SLC7A2: variants seen among roughly 807,000 people sequenced by gnomAD.
SLC7A2 encodes cationic amino acid transporter 2.
Under a neutral mutation model 58.9 loss-of-function variants are expected in SLC7A2, and 48 were observed. That is an observed-to-expected ratio of 0.82 (90% CI 0.65 to 1.04). The LOEUF is 1.04. Ranked by LOEUF, SLC7A2 falls within the 50% of genes least tolerant of loss-of-function variation. The pLI, the probability that SLC7A2 is intolerant of heterozygous loss-of-function variation, is 0.00. For missense variants in SLC7A2, 1,029 were observed against 818.8 expected (o/e 1.26, Z -3.13); for synonymous variants, 363 against 314.5 (o/e 1.15, Z -1.63).
chr8:17,544,677 G>A (rs1802082236), intron 4 of SLC7A2, 71 bp downstream of exon 4: 41 of 1,382,964 alleles, frequency 3.0e-5, no homozygotes, highest in Non-Finnish European at 4.1e-5. Context: ...GGTTACTTCT[G>A]AATTTGGGGC....
chr8:17,538,906 G>A (rs13259978), intron 2 of SLC7A2: 55,558 of 1,612,538 alleles, frequency 0.034, 1,120 homozygotes, highest in Non-Finnish European at 0.041. Flanking sequence ...ACCGGTTTGC[G>A]ACAGCAAGTT....
At chr8:17,511,980 G>A (rs558040970) in intron 2 of SLC7A2, among the ~76,000 whole-genome samples, 14 of 152,220 alleles carry the variant, frequency 9.2e-5, no homozygotes, top group African/African-American at 2.2e-4. Context: ...AATCTTTGGC[G>A]TACTTGGCTG....
intron 2 of SLC7A2, among the ~76,000 whole-genome samples, chr8:17,521,852 G>T (rs921939761): frequency 2.0e-5 from 3 of 152,238 alleles, no homozygotes; most frequent in Admixed American, 2.0e-4. Context: ...TCATGCCCTT[G>T]TTTCCCTGTT....
chr8:17,511,740 A>T (rs182626070), intron 2 of SLC7A2, among the ~76,000 whole-genome samples: 2 of 152,338 alleles, frequency 1.3e-5, no homozygotes, highest in African/African-American at 4.8e-5. Context: ...AGAAGCTAAT[A>T]AACTGGGGGC....
At position 17,550,302 on chromosome 8, in the gene SLC7A2, G is replaced by A. The variant is rs937487361; in HGVS notation, c.700G>A (p.Glu234Lys). 3.1e-6 allele frequency: 5 copies of A among 1,613,444 alleles called. No individual in the cohort carries two copies. The African/African-American group carries it at 4.0e-5, about 13-fold the overall frequency. Residue 234 changes from glutamate to lysine, a missense_variant and splice_region_variant, in exon 6 of 13, where the codon GAG (glutamate) becomes AAG (lysine). By Grantham distance (56) the Glu-to-Lys change is moderately conservative. Coordinates refer to ENST00000494857, the MANE Select transcript of SLC7A2 (RefSeq NM_001370338.1). ...FLKNISASAR[E>K]PPSENGTSIY... ...CAATGTGTTTGTTCTCTTTCTTAGAGAGCCACCTTCTGAAAACGGAACAAG... is the reference window on the plus strand; with the variant it reads ...CAATGTGTTTGTTCTCTTTCTTAGAAAGCCACCTTCTGAAAACGGAACAAG...
At chr8:17,501,463 C>G (rs920350136) in intron 1 of SLC7A2, among the ~76,000 whole-genome samples, 1 of 152,088 alleles carries the variant, frequency 6.6e-6, no homozygotes, top group Admixed American at 6.6e-5. Flanking sequence ...ATGTGGGTCA[C>G]GTCTCTTATT....
rs993231059 is a variant in SLC7A2 at position 17,565,399 on chromosome 8, T to C, written c.*253T>C. ...CAGTGGGAGTGTGTATGTATGTGTG[T>C]ATGTATGTATCTATGTATATGCTTG... On this transcript the variant is annotated 3_prime_UTR_variant, in exon 13 of 13. Coordinates refer to ENST00000494857, the MANE Select transcript of SLC7A2 (RefSeq NM_001370338.1). The C allele has an allele frequency of 1.4e-4, 61 of 426,856 alleles. No homozygotes were observed. In the East Asian group the frequency reaches 2.4e-3, roughly 17 times the overall value. 26.4% of individuals were successfully genotyped at this position (426,856 alleles called of 1,614,324 possible).
At chr8:17,538,982 C>A in intron 2 of SLC7A2, 2 of 1,450,722 alleles carry the variant, frequency 1.4e-6, no homozygotes, top group Non-Finnish European at 1.9e-6. Flanking sequence ...GAAATGTCAA[C>A]CTTTACTTAG....
At chr8:17,508,396 C>G (rs1209708695) in intron 2 of SLC7A2, among the ~76,000 whole-genome samples, 1 of 152,154 alleles carries the variant, frequency 6.6e-6, no homozygotes, top group Non-Finnish European at 1.5e-5. Context: ...ATTGCTAACT[C>G]TAGGTATTGT....
upstream of SLC7A2, among the ~76,000 whole-genome samples, chr8:17,496,592 A>T (rs903341465): frequency 1.3e-5 from 2 of 152,180 alleles, no homozygotes; most frequent in Non-Finnish European, 2.9e-5. Flanking sequence ...GAGTCTTCCA[A>T]AATAGCAACT....
At chr8:17,515,752 C>T (rs1800780519) in intron 2 of SLC7A2, among the ~76,000 whole-genome samples, 1 of 152,136 alleles carries the variant, frequency 6.6e-6, no homozygotes, top group Non-Finnish European at 1.5e-5. Context: ...AATAAAAATC[C>T]TATCATTAAA....
intron 8 of SLC7A2, 104 bp downstream of exon 8, chr8:17,554,803 A>C (rs2150763753): frequency 6.9e-7 from 1 of 1,453,692 alleles, no homozygotes. Flanking sequence ...ATTTCCAAGA[A>C]GTTCAGTCAC....
rs1802635108 is a variant in SLC7A2, at chr8:17,555,153, A to G, written c.1195+454A>G. The stretch of plus-strand genomic sequence containing the variant: ...TTAATTCGCATGCATGGACTTATAA[A>G]GAGGGTCTGCATGCTGTGCATGTAA... On this transcript the variant is annotated intron_variant, in intron 8 of 12. Coordinates refer to ENST00000494857, the MANE Select transcript of SLC7A2 (RefSeq NM_001370338.1). 7 of 1,459,484 alleles carry G rather than the reference A, an allele frequency of 4.8e-6. No individual in the cohort carries two copies. In the East Asian group the frequency reaches 1.6e-4, roughly 33 times the overall value. The allele number at this position is 1,459,484 out of a possible 1,614,324, so 90.4% of individuals were successfully genotyped here.
chr8:17,555,432 C>G (rs1802652425), intron 8 of SLC7A2, among the ~76,000 whole-genome samples: 1 of 151,974 alleles, frequency 6.6e-6, no homozygotes, highest in Non-Finnish European at 1.5e-5. Context: ...ACATAAACTT[C>G]TGATTAAGGA....
rs1050773495 is a variant in SLC7A2 at position 17,568,695 on chromosome 8, C to G, written c.*3549C>G. 1 of 151,952 alleles carries G rather than the reference C, an allele frequency of 6.6e-6. No individual in the cohort carries two copies. Among genetic ancestry groups the G allele is most frequent in the Admixed American group, 6.6e-5 (1 of 15,246 alleles). 9.4% of individuals were successfully genotyped at this position (151,952 alleles called of 1,614,324 possible). The stretch of plus-strand genomic sequence containing the variant: ...AATTTTAAGGCCAGGCATGGTGGCT[C>G]GCTCACACCTATAATCCTAGGATCT... On this transcript the variant is annotated 3_prime_UTR_variant, in exon 13 of 13. Coordinates refer to ENST00000494857, the MANE Select transcript of SLC7A2 (RefSeq NM_001370338.1).
intron 2 of SLC7A2, among the ~76,000 whole-genome samples, chr8:17,524,421 T>TACACACACACAC (rs367710230): frequency 2.2e-5 from 3 of 135,030 alleles, no homozygotes; most frequent in African/African-American, 5.5e-5. Context: ...TGTGTGTGTG[T>TACACACACACAC]ACACACACAC....
intron 2 of SLC7A2, among the ~76,000 whole-genome samples, chr8:17,532,259 A>C (rs923896088): frequency 1.3e-3 from 47 of 36,582 alleles, no homozygotes; most frequent in Middle Eastern, 0.018. Flanking sequence ...AAAAAAAAAA[A>C]CCCCAGCAAT....
chr8:17,547,484 A>C (rs924005722), intron 4 of SLC7A2, among the ~76,000 whole-genome samples: 8 of 152,180 alleles, frequency 5.3e-5, no homozygotes, highest in Non-Finnish European at 5.9e-5. Flanking sequence ...GAATATCCTA[A>C]TAGAAAAAAT....
chr8:17,517,193 T>C (rs1423765956), intron 2 of SLC7A2, among the ~76,000 whole-genome samples: 1 of 152,206 alleles, frequency 6.6e-6, no homozygotes, highest in Non-Finnish European at 1.5e-5. Context: ...ACTCATTTAT[T>C]TCTAGGCACA....
Sources: allele counts gnomAD v4.1 joint callset (sites outside exome capture counted in the v4.1 genomes callset), GRCh38; gene constraint gnomAD v4.1.1; transcripts MANE v1.5; gene names NCBI Gene and HGNC (gene_info 2026-07-23, HGNC 2026-07-21).